The following COL3A1 variants were observed in gnomAD, a reference collection of about 807,000 sequenced individuals.
The protein encoded by COL3A1 is collagen alpha-1(III) chain.
Under a neutral mutation model 200.9 loss-of-function variants are expected in COL3A1, and 46 were observed. The observed-to-expected ratio is 0.23, with a 90% confidence interval of 0.18 to 0.29. The LOEUF is 0.29. COL3A1 is among the 10% of genes least tolerant of loss of function. The pLI, the probability that COL3A1 is intolerant of heterozygous loss-of-function variation, is 1.00. For synonymous variants in COL3A1, 650 were observed against 628.0 expected (o/e 1.03, Z -0.52); for missense variants, 1,367 against 1,917.6 (o/e 0.71, Z 5.36).
chr2:188,997,896 G>A (rs771916147), intron 27 of COL3A1, 143 bp downstream of exon 27: 23 of 755,654 alleles, frequency 3.0e-5, no homozygotes, highest in Non-Finnish European at 5.4e-5. Context: ...TTAATAGGTA[G>A]GCATATCTTC....
intron 32 of COL3A1, 114 bp from the exon 33 acceptor site, chr2:189,001,283 A>T (rs944342723): frequency 5.7e-6 from 6 of 1,044,684 alleles, no homozygotes; most frequent in African/African-American, 1.6e-5. Flanking sequence ...AAAAATTTTT[A>T]AAAAGTATGT....
chr2:188,995,267 A>T (rs527246391), intron 21 of COL3A1, among the ~76,000 whole-genome samples, 168 bp downstream of exon 21: 3 of 152,334 alleles, frequency 2.0e-5, no homozygotes, highest in Admixed American at 6.5e-5. Context: ...CTGGCTTTGT[A>T]ACTAAAGCCA....
chr2:188,999,750 A>G, intron 31 of COL3A1, 92 bp from the exon 32 acceptor site: 1 of 1,399,768 alleles, frequency 7.1e-7, no homozygotes, highest in Non-Finnish European at 9.9e-7. Context: ...CACCCAATAT[A>G]TATCCCTACA....
rs182036064 is a variant in COL3A1, at chr2:188,999,779, T to C, written c.2230-63T>C. 2.0e-3 allele frequency: 3,078 copies of C among 1,536,428 alleles called. 7 individuals are homozygous for C. The highest frequency in any genetic ancestry group is 2.5e-3 in the Non-Finnish European group (2,785 of 1,127,732). Reference sequence around the variant, plus strand: ...CCCTACAAATCCTGAGAGTTACTCCTCTTCTTGGCTGATTTTCACTGAAGA... The same window carrying C: ...CCCTACAAATCCTGAGAGTTACTCCCCTTCTTGGCTGATTTTCACTGAAGA... On this transcript the variant is annotated intron_variant, in intron 31 of 50. Transcript: ENST00000304636.
intron 1 of COL3A1, among the ~76,000 whole-genome samples, chr2:188,981,723 C>A (rs975851820): frequency 1.3e-4 from 19 of 151,454 alleles, no homozygotes; most frequent in Admixed American, 7.9e-4. Context: ...ACAAAACATT[C>A]TTTTCCTTGA....
intron 10 of COL3A1, among the ~76,000 whole-genome samples, 155 bp downstream of exon 10, chr2:188,990,515 A>G (rs1376165011): frequency 3.3e-5 from 5 of 152,192 alleles, no homozygotes; most frequent in African/African-American, 1.2e-4. Flanking sequence ...TGTTGACCAA[A>G]CTAGTCATTT....
intron 25 of COL3A1, 45 bp downstream of exon 25, chr2:188,997,263 G>A (rs747640621): frequency 2.9e-5 from 47 of 1,612,652 alleles, no homozygotes; most frequent in East Asian, 4.5e-5. Flanking sequence ...TAATAGATGC[G>A]TTCATCTCCA....
rs535434618 is a variant in COL3A1, at chr2:188,991,664, T to C, written c.898-5T>C. On this transcript the variant is annotated splice_region_variant and splice_polypyrimidine_tract_variant and intron_variant, in intron 12 of 50. Transcript: ENST00000304636. ...GTAAAACCATATTTCAATTTTACTC[T>C]GTAGGGTCCAAGAGGGGCTCCTGGT... The C allele has an allele frequency of 5.5e-5, 89 of 1,614,004 alleles. No homozygotes were observed. The East Asian group carries it at 1.6e-3, about 28-fold the overall frequency.
rs1688736431 is a variant in COL3A1 at position 189,011,832 on chromosome 2, G to A, written c.*58G>A. On this transcript the variant is annotated 3_prime_UTR_variant, in exon 51 of 51. Transcript: ENST00000304636. ...ATTTAACTCCATATGTGTTCCTCTT[G>A]TTCTAATCTTGTCAACCAGTGCAAG... 25 of 1,593,874 alleles carry A rather than the reference G, an allele frequency of 1.6e-5. No homozygotes were observed. Among genetic ancestry groups the A allele is most frequent in the Non-Finnish European group, 2.1e-5 (24 of 1,162,692 alleles).
chr2:188,982,197 G>C (rs1213456651), intron 1 of COL3A1, among the ~76,000 whole-genome samples: 1 of 151,434 alleles, frequency 6.6e-6, no homozygotes. Flanking sequence ...TCTTTATATT[G>C]AGGCCTCCGT....
rs758570704 is a variant in COL3A1, at chr2:188,999,593, C to G, written c.2229+16C>G. 20 of 1,609,080 alleles carry G rather than the reference C, an allele frequency of 1.2e-5. No individual in the cohort carries two copies. In the South Asian group the frequency reaches 2.1e-4, roughly 17 times the overall value. On this transcript the variant is annotated intron_variant, in intron 31 of 50. Coordinates refer to ENST00000304636, the MANE Select transcript of COL3A1 (RefSeq NM_000090.4). Reference sequence around the variant, plus strand: ...GGGTGACAAGGTGTTGACTTGTTTTCTCTTAATTGTTCAATAAATCAGTCA... The same window carrying G: ...GGGTGACAAGGTGTTGACTTGTTTTGTCTTAATTGTTCAATAAATCAGTCA...
At chr2:189,005,668 G>A (rs1688568941) in intron 41 of COL3A1, 3 of 629,194 alleles carry the variant, frequency 4.8e-6, no homozygotes, top group Middle Eastern at 2.7e-4. Context: ...CATTTGTGGA[G>A]AAAATATTAT....
chr2:188,995,052 C>T lies in COL3A1; in HGVS notation c.1462C>T (p.Pro488Ser), dbSNP rs2153502474. ...TGTCTTTCATTATTTTCAGGGTGCC[C>T]CTGGGTTCCGAGGACCTGCTGGACC... is the stretch of plus-strand genomic sequence containing the variant. Reference protein sequence around the residue: ...LPGAAGERGAPGFRGPAGPNG... With the variant: ...LPGAAGERGASGFRGPAGPNG... Residue 488 changes from proline (P) to serine (S), a missense_variant, in exon 21 of 51, where the codon CCT (proline) becomes TCT (serine). Pro to Ser is a moderately conservative substitution (Grantham distance 74, BLOSUM62 -1). Coordinates refer to ENST00000304636, the MANE Select transcript of COL3A1 (RefSeq NM_000090.4). 1 of 1,614,102 alleles carries T rather than the reference C, an allele frequency of 6.2e-7. No homozygotes were observed. Among genetic ancestry groups the T allele is most frequent in the Non-Finnish European group, 8.5e-7 (1 of 1,180,006 alleles).
chr2:189,008,762 T>C, intron 47 of COL3A1, 162 bp from the exon 48 acceptor site: 1 of 695,340 alleles, frequency 1.4e-6, no homozygotes, highest in Non-Finnish European at 2.5e-6. Flanking sequence ...TATAAATCGG[T>C]GATCACGTGA....
In COL3A1 at chr2:188,998,253, T is replaced by C; in HGVS notation, c.1924-13T>C. 1 of 1,612,270 alleles carries C rather than the reference T, an allele frequency of 6.2e-7. No homozygotes were observed. The highest frequency in any genetic ancestry group is 2.2e-5 in the East Asian group (1 of 44,846). ...TTGAGGTAATTACCTAATACAAATA[T>C]GATTCTTTCTAGGGCTTGCCTGGTA... On this transcript the variant is annotated splice_polypyrimidine_tract_variant and intron_variant, in intron 27 of 50. Coordinates refer to ENST00000304636, the MANE Select transcript of COL3A1 (RefSeq NM_000090.4).
chr2:189,004,205 G>A (rs1688535197), intron 39 of COL3A1, 52 bp from the exon 40 acceptor site: 15 of 1,606,968 alleles, frequency 9.3e-6, no homozygotes, highest in Non-Finnish European at 1.3e-5. Context: ...AAATCGATTA[G>A]AGAAAAACAC....
chr2:188,999,686 A>G (rs977012085), intron 31 of COL3A1, 109 bp downstream of exon 31: 12 of 1,398,260 alleles, frequency 8.6e-6, no homozygotes, highest in Non-Finnish European at 1.1e-5. Flanking sequence ...TAATGTTATC[A>G]TTTTATAGTA....
chr2:189,006,365 C>T lies in COL3A1; in HGVS notation c.3114C>T (p.Gly1038=), dbSNP rs982248094. ...PGGKGDRGEN[G]SPGAPGAPGH... ...CACAGGGTGATCGTGGTGAAAATGG[C>T]TCTCCTGGTGCCCCTGGCGCTCCTG... is the stretch of plus-strand genomic sequence containing the variant. The change falls in exon 43 of 51, where the codon GGC becomes GGT. Residue 1038 remains glycine, a synonymous_variant. Transcript: ENST00000304636. 3 of 1,614,048 alleles carry T rather than the reference C, an allele frequency of 1.9e-6. No homozygotes were observed. The highest frequency in any genetic ancestry group is 8.5e-7 in the Non-Finnish European group (1 of 1,180,034).
chr2:188,985,216 G>A lies in COL3A1; in HGVS notation c.302G>A (p.Gly101Asp), dbSNP rs1384653982. ...PPTAPTRPPN[G>D]QGPQGPKGDP... is the part of the protein sequence containing the mutation. ...TATTAGCCTACTCGCCCTCCTAATG[G>A]TCAAGGACCTCAAGGCCCCAAGGGA... is the stretch of plus-strand genomic sequence containing the variant. The change falls in exon 3 of 51, where the codon GGT becomes GAT. Residue 101 changes from glycine (G) to aspartate (D), a missense_variant. Transcript: ENST00000304636. 9 of 1,612,276 alleles carry A rather than the reference G, an allele frequency of 5.6e-6. No homozygotes were observed. The highest frequency in any genetic ancestry group is 7.6e-6 in the Non-Finnish European group (9 of 1,178,806).
Sources: gnomAD v4.1 joint callset for allele counts (sites outside exome capture counted in the v4.1 genomes callset) on GRCh38, gnomAD v4.1.1 for gene constraint, MANE v1.5 for transcripts, NCBI Gene and HGNC (gene_info 2026-07-23, HGNC 2026-07-21) for gene names.